Variants in BTNL3 observed in about 807,000 individuals in gnomAD.
BTNL3 encodes butyrophilin-like protein 3.
In BTNL3, 20 loss-of-function variants were observed where a neutral mutation model predicts 40.1. That is an observed-to-expected ratio of 0.50 (90% CI 0.35 to 0.72). The LOEUF (loss-of-function observed/expected upper bound fraction) is 0.72, where lower values mean the gene tolerates loss of function less well. Among genes scored for constraint, BTNL3 ranks in the 30% least tolerant of loss-of-function variants. BTNL3 has a pLI of 0.01. For missense variants in BTNL3, 449 were observed against 582.2 expected, an observed-to-expected ratio of 0.77 and a Z score of 2.35; for synonymous variants, 179 against 222.1, an observed-to-expected ratio of 0.81 and a Z score of 1.73.
chr5:180,992,189 C>T (rs182983820), intron 1 of BTNL3, among the ~76,000 whole-genome samples: 1 of 135,842 alleles, frequency 7.4e-6, no homozygotes, highest in East Asian at 2.2e-4. Flanking sequence ...ACTACAAAAT[C>T]TCCTCACTGT....
chr5:181,004,826 A>G (rs1292334465), intron 7 of BTNL3, 64 bp downstream of exon 7: 1 of 1,613,826 alleles, frequency 6.2e-7, no homozygotes, highest in African/African-American at 1.3e-5. Context: ...ACAGATATGG[A>G]GCCCATCCAG....
Position 181,006,193 on chromosome 5 carries a change from A to G in BTNL3, c.*321A>G. 1 of 417,912 alleles carries G rather than the reference A, an allele frequency of 2.4e-6. No individual in the cohort carries two copies. Among genetic ancestry groups the G allele is most frequent in the East Asian group, 3.4e-5 (1 of 29,214 alleles). 25.9% of individuals were successfully genotyped at this position (417,912 alleles called of 1,614,324 possible). Reference sequence around the variant, plus strand: ...GCTAAGCGATCTTGAACAAGTCACAACCTCCCAGGCTCCTCATTTGCTAGT... The same window carrying G: ...GCTAAGCGATCTTGAACAAGTCACAGCCTCCCAGGCTCCTCATTTGCTAGT... On this transcript the variant is annotated 3_prime_UTR_variant, in exon 8 of 8. Coordinates refer to ENST00000342868, the MANE Select transcript of BTNL3 (RefSeq NM_197975.3).
chr5:181,006,346 A>T lies in BTNL3; in HGVS notation c.*474A>T, dbSNP rs1287929468. The T allele has an allele frequency of 8.9e-6, 2 of 225,418 alleles. No homozygotes were observed. Among genetic ancestry groups the T allele is most frequent in the Non-Finnish European group, 8.5e-6 (1 of 117,332 alleles). The allele number at this position is 225,418 out of a possible 1,614,324, so 14.0% of individuals were successfully genotyped here. A position where few individuals can be genotyped will look rare whatever the true frequency, so the allele number is the denominator to read the frequency against. Reference sequence around the variant, plus strand: ...TATATTATACATTTTCCCACCATAAACTCTGTTTGCTTATTCCACATTAAT... The same window carrying T: ...TATATTATACATTTTCCCACCATAATCTCTGTTTGCTTATTCCACATTAAT... On this transcript the variant is annotated 3_prime_UTR_variant, in exon 8 of 8. Transcript: ENST00000342868.
At chr5:180,994,175 T>A (rs1760007642) in intron 2 of BTNL3, among the ~76,000 whole-genome samples, 1 of 137,584 alleles carries the variant, frequency 7.3e-6, no homozygotes, top group Non-Finnish European at 1.7e-5. Flanking sequence ...TTTCTATTGC[T>A]TTTCTTCTTT....
Position 181,005,356 on chromosome 5 carries a change from G to T in BTNL3, c.885G>T (p.Glu295Asp). The part of the protein sequence containing the change: ...KHAVEVTLDP[E>D]TAHPKLCVSD... ...CAGTGGAGGTGACTCTGGATCCAGA[G>T]ACGGCTCACCCGAAGCTCTGCGTTT... is the stretch of plus-strand genomic sequence containing the variant. The change falls in exon 8 of 8, where the codon GAG (glutamate) becomes GAT (aspartate). Residue 295 changes from glutamate (E) to aspartate (D), a missense_variant. By Grantham distance (45) the Glu-to-Asp change is conservative. Transcript: ENST00000342868. The T allele has an allele frequency of 6.2e-7, 1 of 1,612,062 alleles. No individual in the cohort carries two copies.
intron 1 of BTNL3, among the ~76,000 whole-genome samples, chr5:180,990,865 C>G (rs907542374): frequency 7.3e-6 from 1 of 137,456 alleles, no homozygotes; most frequent in Non-Finnish European, 1.7e-5. Flanking sequence ...AACTGGGACC[C>G]AGTCCCACTG....
rs545691707 is a variant in BTNL3, at chr5:180,997,089, T to A, written c.398-124T>A. 443 of 1,109,186 alleles carry A rather than the reference T, an allele frequency of 4.0e-4. 14 individuals carry two copies. Among genetic ancestry groups the A allele is most frequent in the South Asian group, 3.7e-3 (254 of 69,574 alleles). 68.7% of individuals were successfully genotyped at this position (1,109,186 alleles called of 1,614,324 possible). A position where few individuals can be genotyped will look rare whatever the true frequency, so the allele number is the denominator to read the frequency against. Reference sequence around the variant, plus strand: ...ACAGAGAGAAAAGGATGTGTGTGTGTGAGAGAGAGAGAGAGAGAAAAGGAT... The same window carrying A: ...ACAGAGAGAAAAGGATGTGTGTGTGAGAGAGAGAGAGAGAGAGAAAAGGAT... On this transcript the variant is annotated intron_variant, in intron 2 of 7. Transcript: ENST00000342868.
In BTNL3 at chr5:181,005,713, G is replaced by C; in HGVS notation, c.1242G>C (p.Glu414Asp). ...GAGTAGGGGTCTTCCTGGACTATGA[G>C]GGTGGGACCATCTCCTTCTTCAATA... The part of the protein sequence containing the change: ...PTRVGVFLDY[E>D]GGTISFFNTN... The change falls in exon 8 of 8, where the codon GAG becomes GAC. Residue 414 changes from glutamate to aspartate, a missense_variant. By Grantham distance (45) the Glu-to-Asp change is conservative. This residue lies in a region of BTNL3 where 126 missense variants were observed against 117.2 expected (regional missense o/e 1.07). Coordinates refer to ENST00000342868, the MANE Select transcript of BTNL3 (RefSeq NM_197975.3). 23 of 1,614,112 alleles carry C rather than the reference G, an allele frequency of 1.4e-5. No individual in the cohort carries two copies. Among genetic ancestry groups the C allele is most frequent in the Non-Finnish European group, 1.9e-5 (23 of 1,180,016 alleles).
chr5:180,997,191 T>G lies in BTNL3; in HGVS notation c.398-22T>G. 2 of 1,463,842 alleles carry G rather than the reference T, an allele frequency of 1.4e-6. 1 individual carries two copies. 90.7% of individuals were successfully genotyped at this position (1,463,842 alleles called of 1,614,324 possible). ...GCTTGAAATTTGGTCTTTGCTTTCA[T>G]CTTTCCCTGTTTTCTTCCCAGCACT... On this transcript the variant is annotated intron_variant, in intron 2 of 7. Coordinates refer to ENST00000342868, the MANE Select transcript of BTNL3 (RefSeq NM_197975.3).
rs868269842 is a variant in BTNL3, at chr5:181,004,888, C to T, written c.862+126C>T. On this transcript the variant is annotated intron_variant, in intron 7 of 7. Transcript: ENST00000342868. ...CGAATCCACCCCAGGGTGCAGCTGCCTCTAAATACACTTCTTGGCCCAGGA... is the reference window on the plus strand; with the variant it reads ...CGAATCCACCCCAGGGTGCAGCTGCTTCTAAATACACTTCTTGGCCCAGGA... 1.2e-5 allele frequency: 19 copies of T among 1,559,532 alleles called. No homozygotes were observed. In the Middle Eastern group the frequency reaches 5.0e-4, roughly 41 times the overall value.
Position 180,997,320 on chromosome 5 carries a change from G to A in BTNL3, c.505G>A (p.Gly169Ser). The change falls in exon 3 of 8, where the codon GGT (glycine) becomes AGT (serine). Residue 169 changes from glycine (G) to serine (S), a missense_variant. Physicochemically the swap from Gly to Ser is moderately conservative, Grantham distance 56 (BLOSUM62 0). Transcript: ENST00000342868. ...WFPQPTAKWK[G>S]PQGQDLSSDS... ...CCCCCAGCCCACAGCCAAGTGGAAA[G>A]GTCCACAAGGACAGGATTTGTCTTC... 1 of 1,464,714 alleles carries A rather than the reference G, an allele frequency of 6.8e-7. No individual in the cohort carries two copies. Among genetic ancestry groups the A allele is most frequent in the Non-Finnish European group, 9.4e-7 (1 of 1,059,506 alleles). 90.7% of individuals were successfully genotyped at this position (1,464,714 alleles called of 1,614,324 possible). A position where few individuals can be genotyped will look rare whatever the true frequency, so the allele number is the denominator to read the frequency against.
chr5:180,989,199 C>A, intron 1 of BTNL3, 122 bp downstream of exon 1: 1 of 1,173,892 alleles, frequency 8.5e-7, no homozygotes, highest in Non-Finnish European at 1.2e-6. Context: ...TCTCCAGCTT[C>A]TCCTGGCCTC....
intron 7 of BTNL3, 131 bp from the exon 8 acceptor site, chr5:181,005,203 T>G: frequency 6.7e-7 from 1 of 1,493,552 alleles, no homozygotes; most frequent in Non-Finnish European, 9.1e-7. Context: ...AGAAGGTACA[T>G]GGCTGGTGGG....
Position 180,991,190 on chromosome 5 carries a change from G to C in BTNL3, c.50-1623G>C, listed in dbSNP as rs560575104. 2.2e-5 allele frequency among the ~76,000 whole-genome samples: 3 copies of C among 137,392 alleles called. 1 individual carries two copies. The highest frequency in any genetic ancestry group is 6.7e-3 in the Middle Eastern group (2 of 300). The allele number at this position is 137,392 out of a possible 152,430, so 90.1% of individuals were successfully genotyped here. On this transcript the variant is annotated intron_variant, in intron 1 of 7. Coordinates refer to ENST00000342868, the MANE Select transcript of BTNL3 (RefSeq NM_197975.3). ...CAGGTCAGCAGCTGGTCTGACACCA[G>C]GCTGCAAAGTCACGCCTCACTTAAT... is the stretch of plus-strand genomic sequence containing the variant.
Position 180,997,124 on chromosome 5 carries a change from T to C in BTNL3, c.398-89T>C, listed in dbSNP as rs1760044507. On this transcript the variant is annotated intron_variant, in intron 2 of 7. Coordinates refer to ENST00000342868, the MANE Select transcript of BTNL3 (RefSeq NM_197975.3). ...AGAGAGAGAAAAGGATGTATGTGTG[T>C]TATGGGTACAGGCTTGATGAACCAG... 16 of 1,423,688 alleles carry C rather than the reference T, an allele frequency of 1.1e-5. 5 individuals are homozygous for C. Among genetic ancestry groups the C allele is most frequent in the Non-Finnish European group, 1.6e-5 (16 of 1,031,202 alleles). The allele number at this position is 1,423,688 out of a possible 1,614,324, so 88.2% of individuals were successfully genotyped here.
At chr5:181,004,633 C>T in intron 6 of BTNL3, 103 bp from the exon 7 acceptor site, 1 of 1,611,864 alleles carries the variant, frequency 6.2e-7, no homozygotes, top group Admixed American at 1.7e-5. Flanking sequence ...TCTGGAGGGT[C>T]CACAACACTC....
In BTNL3 at chr5:180,991,909, G is replaced by A. The variant is rs1163181972; in HGVS notation, c.50-904G>A. Among the ~76,000 whole-genome samples, 2 of 136,350 alleles carry A rather than the reference G, an allele frequency of 1.5e-5. 1 individual carries two copies. The highest frequency in any genetic ancestry group is 5.1e-5 in the African/African-American group (2 of 39,572). The allele number at this position is 136,350 out of a possible 152,430, so 89.5% of individuals were successfully genotyped here. On this transcript the variant is annotated intron_variant, in intron 1 of 7. Transcript: ENST00000342868. ...TATTGAAAGAAGAACTAACACTAAC[G>A]ATAACTAATGAATGAAAAAAAATCA...
chr5:180,996,511 G>T (rs1760036475), intron 2 of BTNL3, among the ~76,000 whole-genome samples: 1 of 136,642 alleles, frequency 7.3e-6, no homozygotes, highest in Non-Finnish European at 1.7e-5. Flanking sequence ...CGTTGCTCAG[G>T]TCAGTGAAGG....
At chr5:181,003,668 T>A (rs1760161446) in intron 4 of BTNL3, among the ~76,000 whole-genome samples, 188 bp from the exon 5 acceptor site, 1 of 148,724 alleles carries the variant, frequency 6.7e-6, no homozygotes, top group Non-Finnish European at 1.5e-5. Context: ...TGCACCTTCC[T>A]GATCTCTTGC....
Sources: gnomAD v4.1 joint callset for allele counts (sites outside exome capture counted in the v4.1 genomes callset) on GRCh38, gnomAD v4.1.1 for gene constraint, gnomAD v4.1.1 regional missense constraint, MANE v1.5 for transcripts, NCBI Gene and HGNC (gene_info 2026-07-23, HGNC 2026-07-21) for gene names.